The following ETV5 variants were observed in gnomAD, a reference collection of about 807,000 sequenced individuals.
ETV5 encodes the protein ETS translocation variant 5.
Under a neutral mutation model 70.0 loss-of-function variants are expected in ETV5, and 10 were observed. That is an observed-to-expected ratio of 0.14 (90% CI 0.09 to 0.24). ETV5 has a LOEUF of 0.24. Among genes scored for constraint, ETV5 ranks in the 10% least tolerant of loss-of-function variants. The probability of loss-of-function intolerance (pLI) is 1.00; values close to 1 mark genes in which losing one functional copy is unlikely to be tolerated. For missense variants in ETV5, 453 were observed against 651.2 expected (o/e 0.70, Z 3.31); for synonymous variants, 216 against 242.2 (o/e 0.89, Z 1.01).
intron 9 of ETV5, among the ~76,000 whole-genome samples, chr3:186,062,947 T>C (rs1404722798): frequency 6.6e-6 from 1 of 152,174 alleles, no homozygotes; most frequent in Non-Finnish European, 1.5e-5. Flanking sequence ...TTATTGCTTG[T>C]GCTAAAAATA....
chr3:186,075,941 T>TA (rs1713774134), intron 7 of ETV5, among the ~76,000 whole-genome samples: 1 of 152,224 alleles, frequency 6.6e-6, no homozygotes, highest in South Asian at 2.1e-4. Flanking sequence ...ACTCAAGATA[T>TA]AATGAGATAC....
chr3:186,108,756 A>C, intron 1 of ETV5, 184 bp downstream of exon 1: 1 of 899,166 alleles, frequency 1.1e-6, no homozygotes, highest in Non-Finnish European at 1.4e-6. Context: ...GACGCCTCCC[A>C]GGAACCAAAC....
At chr3:186,059,689 G>A (rs1458133653) in intron 9 of ETV5, among the ~76,000 whole-genome samples, 1 of 152,164 alleles carries the variant, frequency 6.6e-6, no homozygotes, top group Non-Finnish European at 1.5e-5. Context: ...GTACAACATT[G>A]TGGTAAGTGC....
chr3:186,100,084 T>C (rs918797479), intron 5 of ETV5, among the ~76,000 whole-genome samples: 1 of 152,206 alleles, frequency 6.6e-6, no homozygotes, highest in African/African-American at 2.4e-5. Flanking sequence ...TTTGAGGCTA[T>C]CAAAACAGGA....
intron 11 of ETV5, among the ~76,000 whole-genome samples, chr3:186,056,763 C>T (rs567402399): frequency 7.2e-5 from 11 of 152,320 alleles, no homozygotes; most frequent in Admixed American, 3.3e-4. Context: ...ATTGAAACAG[C>T]ACCTGAAAAA....
intron 5 of ETV5, among the ~76,000 whole-genome samples, chr3:186,092,892 G>C (rs1308992345): frequency 6.6e-6 from 1 of 152,180 alleles, no homozygotes; most frequent in Non-Finnish European, 1.5e-5. Context: ...ATGGGTCTAG[G>C]TTGTGACACA....
chr3:186,101,362 A>C (rs914786756), intron 5 of ETV5, among the ~76,000 whole-genome samples: 1 of 152,090 alleles, frequency 6.6e-6, no homozygotes, highest in African/African-American at 2.4e-5. Context: ...ACTCGCTTCA[A>C]CTGTAACCTC....
chr3:186,073,480 C>T (rs575322081), intron 7 of ETV5, among the ~76,000 whole-genome samples: 220 of 152,244 alleles, frequency 1.4e-3, no homozygotes, highest in Non-Finnish European at 2.5e-3. Context: ...AGCAGAGCGG[C>T]GATTCAACCC....
At chr3:186,088,578 C>A (rs182214669) in intron 5 of ETV5, among the ~76,000 whole-genome samples, 20 of 152,250 alleles carry the variant, frequency 1.3e-4, no homozygotes, top group Middle Eastern at 3.4e-3. Flanking sequence ...TCCGAGACAC[C>A]TGCCCATACT....
intron 7 of ETV5, among the ~76,000 whole-genome samples, chr3:186,077,020 A>G (rs1237463101): frequency 6.6e-6 from 1 of 152,248 alleles, no homozygotes; most frequent in Non-Finnish European, 1.5e-5. Context: ...GCGTAATTAC[A>G]CGTCATGGAA....
chr3:186,065,310 A>C (rs139226400), intron 8 of ETV5, among the ~76,000 whole-genome samples: 1 of 152,202 alleles, frequency 6.6e-6, no homozygotes, highest in Non-Finnish European at 1.5e-5. Context: ...TGTTCATGCT[A>C]CTCCTGAGAA....
rs538017372 is a variant in ETV5, at chr3:186,062,614, C to T, written c.970+1803G>A. On this transcript the variant is annotated intron_variant, in intron 9 of 12. Transcript: ENST00000306376. ...CCAGCCTGGCGACAGAGCAAGACTC[C>T]GTCTCAAAAAGACAAAACAAAACCA... 5.4e-4 allele frequency among the ~76,000 whole-genome samples: 82 copies of T among 152,198 alleles called. 1 individual carries two copies. In the Middle Eastern group the frequency reaches 0.014, roughly 25 times the overall value.
intron 7 of ETV5, among the ~76,000 whole-genome samples, chr3:186,079,547 A>G (rs1442541263): frequency 6.6e-6 from 1 of 152,184 alleles, no homozygotes; most frequent in Non-Finnish European, 1.5e-5. Context: ...TTCTTCCTCT[A>G]GTTCTGTGAG....
chr3:186,067,940 C>T (rs984692838), intron 7 of ETV5, among the ~76,000 whole-genome samples: 4 of 152,100 alleles, frequency 2.6e-5, no homozygotes, highest in Admixed American at 2.6e-4. Context: ...ATGAATATCT[C>T]AAGAGGAAAA....
At chr3:186,051,910 A>T in intron 12 of ETV5, 120 bp downstream of exon 12, 1 of 850,820 alleles carries the variant, frequency 1.2e-6, no homozygotes, top group South Asian at 1.5e-5. Context: ...TTCCTACCAC[A>T]GAATCACTTA....
In ETV5 at chr3:186,096,067, T is replaced by C. The variant is rs139584821; in HGVS notation, c.232+9238A>G. ...CATAAAAATGGGGAAGCAGGGACTA[T>C]GATTATTAGTTGTCAAAATACTAAA... On this transcript the variant is annotated intron_variant, in intron 5 of 12. Transcript: ENST00000306376. Among the ~76,000 whole-genome samples the C allele has an allele frequency of 9.8e-4, 150 of 152,312 alleles. 1 individual carries two copies. Among genetic ancestry groups the C allele is most frequent in the Middle Eastern group, 3.4e-3 (1 of 294 alleles).
At chr3:186,075,077 T>C (rs1578549426) in intron 7 of ETV5, among the ~76,000 whole-genome samples, 1 of 152,188 alleles carries the variant, frequency 6.6e-6, no homozygotes, top group African/African-American at 2.4e-5. Context: ...AAATGTCCTT[T>C]AGCTTGTTAA....
intron 5 of ETV5, among the ~76,000 whole-genome samples, chr3:186,081,802 C>G (rs1298540684): frequency 6.6e-6 from 1 of 152,180 alleles, no homozygotes; most frequent in Non-Finnish European, 1.5e-5. Context: ...CTAATGAATA[C>G]AGAAAGCAGA....
At chr3:186,089,818 C>T (rs1188416616) in intron 5 of ETV5, among the ~76,000 whole-genome samples, 1 of 152,114 alleles carries the variant, frequency 6.6e-6, no homozygotes, top group African/African-American at 2.4e-5. Flanking sequence ...TAAATTGAAT[C>T]CTAGATCAAA....
Sources: gnomAD v4.1 joint callset for allele counts (sites outside exome capture counted in the v4.1 genomes callset) on GRCh38, gnomAD v4.1.1 for gene constraint, MANE v1.5 for transcripts, NCBI Gene and HGNC (gene_info 2026-07-23, HGNC 2026-07-21) for gene names.